Variants in SLCO2A1 observed in about 807,000 individuals in gnomAD.
SLCO2A1 encodes the protein solute carrier organic anion transporter family member 2A1.
SLCO2A1 carries 60 observed loss-of-function variants against 71.7 expected under a neutral mutation model. The ratio of observed to expected loss-of-function variants is 0.84; its 90% CI spans 0.68 to 1.04. The LOEUF is 1.04. Among genes scored for constraint, SLCO2A1 ranks in the 50% least tolerant of loss-of-function variants. The probability of loss-of-function intolerance (pLI) is 0.00; values close to 1 mark genes in which losing one functional copy is unlikely to be tolerated. For missense variants in SLCO2A1, 745 were observed against 813.4 expected, an observed-to-expected ratio of 0.92 and a Z score of 1.02; for synonymous variants, 308 against 326.7, an observed-to-expected ratio of 0.94 and a Z score of 0.62.
chr3:133,933,582 G>A lies in SLCO2A1; in HGVS notation c.*1131C>T, dbSNP rs1186794993. On this transcript the variant is annotated 3_prime_UTR_variant, in exon 14 of 14. Transcript: ENST00000310926. ...AGGCACCCACCTCTCTGGAGGCAGT[G>A]AGAAGAGGCTGAGAAAATGGGAATG... 2.0e-5 allele frequency: 3 copies of A among 147,542 alleles called. No homozygotes were observed. The highest frequency in any genetic ancestry group is 4.4e-5 in the Non-Finnish European group (3 of 68,010). 9.1% of individuals were successfully genotyped at this position (147,542 alleles called of 1,614,324 possible). A position where few individuals can be genotyped will look rare whatever the true frequency, so the allele number is the denominator to read the frequency against.
At chr3:133,957,245 C>G (rs1005214241) in intron 3 of SLCO2A1, among the ~76,000 whole-genome samples, 3 of 152,176 alleles carry the variant, frequency 2.0e-5, no homozygotes, top group African/African-American at 7.2e-5. Flanking sequence ...GAGCCTAAGT[C>G]CCACCAGAGC....
intron 1 of SLCO2A1, among the ~76,000 whole-genome samples, chr3:134,020,014 G>A (rs191079518): frequency 1.3e-5 from 2 of 152,192 alleles, no homozygotes; most frequent in Admixed American, 6.5e-5. Flanking sequence ...GTTAAAGATC[G>A]ACCCCTGACC....
intron 1 of SLCO2A1, among the ~76,000 whole-genome samples, chr3:134,024,281 C>T (rs1248249053): frequency 2.0e-5 from 3 of 152,160 alleles, no homozygotes; most frequent in Non-Finnish European, 4.4e-5. Flanking sequence ...ATAGGTCTTT[C>T]GACTCTCATG....
At chr3:133,961,622 T>C (rs1934037868) in intron 3 of SLCO2A1, among the ~76,000 whole-genome samples, 1 of 152,192 alleles carries the variant, frequency 6.6e-6, no homozygotes, top group South Asian at 2.1e-4. Flanking sequence ...TTTCTGGGGA[T>C]TGTTTAACTG....
chr3:133,956,936 T>C (rs1933912879), intron 3 of SLCO2A1, among the ~76,000 whole-genome samples: 1 of 152,216 alleles, frequency 6.6e-6, no homozygotes, highest in South Asian at 2.1e-4. Flanking sequence ...TTGTAATTTG[T>C]CTGGAATGAA....
At chr3:134,001,980 C>G (rs191282650) in intron 1 of SLCO2A1, among the ~76,000 whole-genome samples, 2 of 152,172 alleles carry the variant, frequency 1.3e-5, no homozygotes, top group East Asian at 1.9e-4. Context: ...CTTCTCTGCA[C>G]CATGAAATGT....
intron 1 of SLCO2A1, among the ~76,000 whole-genome samples, chr3:133,979,833 T>C (rs1934546394): frequency 6.6e-6 from 1 of 152,196 alleles, no homozygotes; most frequent in Non-Finnish European, 1.5e-5. Context: ...ATTCCTGTTA[T>C]TACTGCATTC....
intron 1 of SLCO2A1, among the ~76,000 whole-genome samples, chr3:134,012,975 G>A (rs1482085755): frequency 6.6e-6 from 1 of 152,220 alleles, no homozygotes; most frequent in African/African-American, 2.4e-5. Flanking sequence ...AAAGTCTGGT[G>A]TCTTAACCCC....
In SLCO2A1 at chr3:134,029,628, C is replaced by G. The variant is rs1935780455; in HGVS notation, c.96+79G>C. 8 of 1,239,944 alleles carry G rather than the reference C, an allele frequency of 6.5e-6. No homozygotes were observed. The East Asian group carries it at 1.6e-4, about 25-fold the overall frequency. 76.8% of individuals were successfully genotyped at this position (1,239,944 alleles called of 1,614,324 possible). On this transcript the variant is annotated intron_variant, in intron 1 of 13. Transcript: ENST00000310926. ...CGGGGCTCCCGGAGCCTCCTGGCTC[C>G]GGCAGACAGAAGCGGGTGCCCAGCC... is the stretch of plus-strand genomic sequence containing the variant.
chr3:133,959,011 A>G (rs1933967171), intron 3 of SLCO2A1, among the ~76,000 whole-genome samples: 1 of 152,196 alleles, frequency 6.6e-6, no homozygotes, highest in East Asian at 1.9e-4. Flanking sequence ...CAATACCTGG[A>G]AAGAGATGCA....
chr3:134,016,366 G>A (rs1182767473), intron 1 of SLCO2A1, among the ~76,000 whole-genome samples: 2 of 151,762 alleles, frequency 1.3e-5, no homozygotes, highest in Non-Finnish European at 2.9e-5. Context: ...TTAGAAGATG[G>A]GCAAAATATA....
chr3:134,005,727 G>C (rs996774695), intron 1 of SLCO2A1, among the ~76,000 whole-genome samples: 5 of 152,026 alleles, frequency 3.3e-5, no homozygotes, highest in African/African-American at 1.2e-4. Flanking sequence ...GTGATCCACC[G>C]GCCTCGGCCT....
intron 10 of SLCO2A1, among the ~76,000 whole-genome samples, chr3:133,943,463 C>A (rs1194844215): frequency 6.6e-6 from 1 of 152,222 alleles, no homozygotes; most frequent in Non-Finnish European, 1.5e-5. Flanking sequence ...AACTAAGGGA[C>A]TAGTATGTTT....
At chr3:133,996,378 G>T (rs1203696250) in intron 1 of SLCO2A1, among the ~76,000 whole-genome samples, 2 of 152,202 alleles carry the variant, frequency 1.3e-5, no homozygotes, top group African/African-American at 4.8e-5. Flanking sequence ...TAGAAGCAGG[G>T]CGGGCAGGCT....
intron 11 of SLCO2A1, among the ~76,000 whole-genome samples, chr3:133,940,568 C>G (rs1933395541): frequency 6.6e-6 from 1 of 152,194 alleles, no homozygotes; most frequent in South Asian, 2.1e-4. Context: ...TTTTCCTACT[C>G]TGTGCCCTCT....
chr3:133,942,892 G>C (rs1226340151), intron 10 of SLCO2A1, 124 bp from the exon 11 acceptor site: 1 of 1,053,586 alleles, frequency 9.5e-7, no homozygotes, highest in Non-Finnish European at 1.3e-6. Flanking sequence ...TCTGGGTCTG[G>C]TTCCCAGGGA....
chr3:133,996,592 C>T (rs1366549734), intron 1 of SLCO2A1, among the ~76,000 whole-genome samples: 8 of 152,180 alleles, frequency 5.3e-5, no homozygotes, highest in Non-Finnish European at 1.2e-4. Context: ...CTGCTGCTGA[C>T]AGACACACCT....
At chr3:133,943,931 A>G (rs1933496740) in intron 10 of SLCO2A1, among the ~76,000 whole-genome samples, 1 of 152,216 alleles carries the variant, frequency 6.6e-6, no homozygotes, top group Non-Finnish European at 1.5e-5. Context: ...GGAATAAGGC[A>G]TGTTCCTAGC....
intron 11 of SLCO2A1, among the ~76,000 whole-genome samples, chr3:133,939,962 C>CTTTTTT (rs752743899): frequency 9.4e-6 from 1 of 106,354 alleles, no homozygotes; most frequent in Non-Finnish European, 1.9e-5. Context: ...ACAAAGTCAT[C>CTTTTTT]TTTTTTTTTT....
Sources: allele counts gnomAD v4.1 joint callset (sites outside exome capture counted in the v4.1 genomes callset), GRCh38; gene constraint gnomAD v4.1.1; transcripts MANE v1.5; gene names NCBI Gene and HGNC (gene_info 2026-07-23, HGNC 2026-07-21).